Variants in KCNIP1 observed in about 807,000 individuals in gnomAD.
KCNIP1 encodes the protein potassium voltage-gated channel interacting protein 1, also known as A-type potassium channel modulatory protein KCNIP1.
In KCNIP1, 18 loss-of-function variants were observed where a neutral mutation model predicts 33.0. The observed-to-expected ratio is 0.55, with a 90% CI of 0.38 to 0.81. KCNIP1 has a LOEUF of 0.81. Ranked by LOEUF, KCNIP1 falls within the 30% of genes least tolerant of loss-of-function variation. KCNIP1 has a pLI of 0.00. For synonymous variants in KCNIP1, 93 were observed against 98.3 expected (o/e 0.95, Z 0.32); for missense variants, 238 against 271.6 (o/e 0.88, Z 0.87).
Position 170,504,788 on chromosome 5 carries a change from G to A in KCNIP1, c.61+155G>A, listed in dbSNP as rs933993610. On this transcript the variant is annotated intron_variant, in intron 1 of 7. Coordinates refer to ENST00000328939, the MANE Select transcript of KCNIP1 (RefSeq NM_014592.4). This position sits in a 1 kb window ranked among gnomAD's most constrained non-coding sequence, Gnocchi z 6.0. ...CCAAAGGAGAGAGAAATCGGCGGGA[G>A]GGCTGGTGTGAACACCCAGAGGAGG... Among the ~76,000 whole-genome samples, 26 of 152,176 alleles carry A rather than the reference G, an allele frequency of 1.7e-4. No homozygotes were observed. Among genetic ancestry groups the A allele is most frequent in the Non-Finnish European group, 3.4e-4 (23 of 68,026 alleles).
At chr5:170,553,871 CG>C (rs973610624) in intron 1 of KCNIP1, among the ~76,000 whole-genome samples, 2 of 152,180 alleles carry the variant, frequency 1.3e-5, no homozygotes, top group Non-Finnish European at 2.9e-5. Context: ...TGTGTGGACC[CG>C]GGTTCATCCT....
chr5:170,731,363 GACCTGT>G (rs373932100), intron 5 of KCNIP1, among the ~76,000 whole-genome samples: 25 of 152,200 alleles, frequency 1.6e-4, no homozygotes, highest in African/African-American at 6.0e-4. Context: ...CAAAACAACT[GACCTGT>G]ACTCATATCA....
intron 1 of KCNIP1, among the ~76,000 whole-genome samples, chr5:170,698,953 G>C (rs1474968074): frequency 6.6e-6 from 1 of 152,028 alleles, no homozygotes; most frequent in Non-Finnish European, 1.5e-5. Context: ...ACCCTCACCT[G>C]CCTAGCTTCC....
At chr5:170,362,295 C>T (rs566373778) in intron 1 of KCNIP1, among the ~76,000 whole-genome samples, 31 of 152,316 alleles carry the variant, frequency 2.0e-4, no homozygotes, top group African/African-American at 7.2e-4. Flanking sequence ...TTTTACTTCC[C>T]TCCCCAGCCC....
chr5:170,444,492 C>T (rs1253323607), intron 1 of KCNIP1, among the ~76,000 whole-genome samples: 1 of 152,114 alleles, frequency 6.6e-6, no homozygotes, highest in South Asian at 2.1e-4. Flanking sequence ...TTAATCCCAT[C>T]CACAACCTCT....
chr5:170,582,454 T>C (rs185588068), intron 1 of KCNIP1, among the ~76,000 whole-genome samples: 1 of 152,328 alleles, frequency 6.6e-6, no homozygotes, highest in East Asian at 1.9e-4. Flanking sequence ...CAATAAATGA[T>C]AGGAAGTATT....
At chr5:170,720,734 C>A (rs2113872470) in intron 3 of KCNIP1, among the ~76,000 whole-genome samples, 1 of 152,304 alleles carries the variant, frequency 6.6e-6, no homozygotes, top group African/African-American at 2.4e-5. Flanking sequence ...AGTAGCAAAC[C>A]AGGATTAGAT....
At chr5:170,555,891 G>T (rs1425756247) in intron 1 of KCNIP1, among the ~76,000 whole-genome samples, 1 of 152,180 alleles carries the variant, frequency 6.6e-6, no homozygotes, top group Non-Finnish European at 1.5e-5. Context: ...ACAAGGTAAT[G>T]AGAGGAAATT....
chr5:170,572,447 T>C (rs1188047919), intron 1 of KCNIP1, among the ~76,000 whole-genome samples: 1 of 152,164 alleles, frequency 6.6e-6, no homozygotes, highest in East Asian at 1.9e-4. Flanking sequence ...CTTCTTGCGC[T>C]CACAGTGCTT....
chr5:170,606,439 G>T (rs543928746), intron 1 of KCNIP1, among the ~76,000 whole-genome samples: 2 of 152,200 alleles, frequency 1.3e-5, no homozygotes, highest in South Asian at 2.1e-4. Flanking sequence ...TGGGTGTGAG[G>T]CTCTTTTTAC....
At chr5:170,427,552 G>A (rs1755642118) in intron 1 of KCNIP1, among the ~76,000 whole-genome samples, 1 of 152,162 alleles carries the variant, frequency 6.6e-6, no homozygotes, top group Non-Finnish European at 1.5e-5. Flanking sequence ...CCATGGGGAA[G>A]AGAATTCATC....
At chr5:170,420,163 A>G (rs1365525463) in intron 1 of KCNIP1, among the ~76,000 whole-genome samples, 1 of 152,184 alleles carries the variant, frequency 6.6e-6, no homozygotes, top group Non-Finnish European at 1.5e-5. Flanking sequence ...CTTGAACAAC[A>G]CAGGTTTGAA....
Position 170,461,600 on chromosome 5 carries a change from A to G in KCNIP1, c.88+107636A>G, listed in dbSNP as rs193133704. Among the ~76,000 whole-genome samples, 76 of 152,200 alleles carry G rather than the reference A, an allele frequency of 5.0e-4. 1 individual carries two copies. Among genetic ancestry groups the G allele is most frequent in the African/African-American group, 1.8e-3 (74 of 41,538 alleles). On this transcript the variant is annotated intron_variant, in intron 1 of 7. Transcript: ENST00000377360. ...TCCGTCTCTACTAAAAATACAAAAA[A>G]TTAGCCAGGTGTGGTGGCAGACGCC...
chr5:170,680,659 T>A (rs542877668), intron 1 of KCNIP1: 1 of 155,668 alleles, frequency 6.4e-6, no homozygotes, highest in Admixed American at 6.5e-5. Flanking sequence ...TCTCTCCATC[T>A]ATCTGCGATC....
intron 1 of KCNIP1, among the ~76,000 whole-genome samples, chr5:170,571,567 C>T (rs547015159): frequency 1.4e-4 from 21 of 152,186 alleles, no homozygotes; most frequent in East Asian, 5.8e-4. Context: ...TCTGCTATGA[C>T]GGCACCCAGC....
intron 1 of KCNIP1, among the ~76,000 whole-genome samples, chr5:170,604,528 G>A (rs1042456719): frequency 1.3e-5 from 2 of 152,194 alleles, no homozygotes; most frequent in Non-Finnish European, 2.9e-5. Flanking sequence ...CACTTGCAGG[G>A]AGAAGCCAAT....
At chr5:170,529,589 A>C (rs759087553) in intron 1 of KCNIP1, among the ~76,000 whole-genome samples, 34 of 152,186 alleles carry the variant, frequency 2.2e-4, no homozygotes, top group Non-Finnish European at 2.2e-4. Context: ...ACTTGCCCCA[A>C]ACTCCAGCCT....
At chr5:170,700,052 C>T (rs1763038844) in intron 1 of KCNIP1, among the ~76,000 whole-genome samples, 1 of 152,136 alleles carries the variant, frequency 6.6e-6, no homozygotes, top group Non-Finnish European at 1.5e-5. Flanking sequence ...CTCCCACATA[C>T]CTGCCTCCCA....
chr5:170,547,771 C>A (rs926500502), intron 1 of KCNIP1, among the ~76,000 whole-genome samples: 3 of 152,144 alleles, frequency 2.0e-5, no homozygotes, highest in African/African-American at 7.2e-5. Flanking sequence ...CTGTCTATTG[C>A]TGATGGACAT....
Sources: gnomAD v4.1 joint callset for allele counts (sites outside exome capture counted in the v4.1 genomes callset) on GRCh38, gnomAD v4.1.1 for gene constraint, Gnocchi (gnomAD v3.1) non-coding constraint, MANE v1.5 for transcripts, NCBI Gene and HGNC (gene_info 2026-07-23, HGNC 2026-07-21) for gene names.